ZNF568: variants seen among roughly 807,000 people sequenced by gnomAD.
ZNF568 encodes the protein p53 inhibitor of SCO2 activation.
Under a neutral mutation model 18.1 loss-of-function variants are expected in ZNF568, and 11 were observed. That is an observed-to-expected ratio of 0.61 (90% CI 0.38 to 1.00). The LOEUF (loss-of-function observed/expected upper bound fraction) is 1.00. ZNF568 is among the 50% of genes least tolerant of loss of function. The probability of loss-of-function intolerance (pLI) is 0.01; values close to 1 mark genes in which losing one functional copy is unlikely to be tolerated. For missense variants in ZNF568, 639 were observed against 768.2 expected, an observed-to-expected ratio of 0.83 and a Z score of 1.99; for synonymous variants, 213 against 246.6, an observed-to-expected ratio of 0.86 and a Z score of 1.28.
intron 3 of ZNF568, chr19:36,991,626 T>C: frequency 1.4e-6 from 1 of 735,204 alleles, no homozygotes; most frequent in Non-Finnish European, 2.1e-6. Flanking sequence ...TGATTTATTG[T>C]GGTGCTCTGA....
chr19:36,991,089 T>C, intron 2 of ZNF568: 1 of 1,391,344 alleles, frequency 7.2e-7, no homozygotes, highest in Non-Finnish European at 9.6e-7. Flanking sequence ...AACTTCCCTA[T>C]TGAATTGCTT....
intron 6 of ZNF568, among the ~76,000 whole-genome samples, chr19:36,967,047 C>T (rs1361125656): frequency 6.6e-6 from 1 of 152,242 alleles, no homozygotes; most frequent in Non-Finnish European, 1.5e-5. Flanking sequence ...GCCACTCCAA[C>T]TCTCTTTGAG....
At chr19:36,941,563 T>G (rs2073879239) in intron 6 of ZNF568, among the ~76,000 whole-genome samples, 1 of 152,200 alleles carries the variant, frequency 6.6e-6, no homozygotes, top group Non-Finnish European at 1.5e-5. Flanking sequence ...TGGATCGTAT[T>G]TAGTTTGGAC....
At chr19:36,971,351 G>A (rs905860411) in intron 6 of ZNF568, among the ~76,000 whole-genome samples, 1 of 151,098 alleles carries the variant, frequency 6.6e-6, no homozygotes. Flanking sequence ...GTACTAAACT[G>A]TGGATTTTTA....
At chr19:36,949,028 T>C (rs2074013592) in intron 6 of ZNF568, among the ~76,000 whole-genome samples, 1 of 152,164 alleles carries the variant, frequency 6.6e-6, no homozygotes, top group African/African-American at 2.4e-5. Flanking sequence ...TTAAAATCTC[T>C]TGTTCATCTT....
rs149826480 is a variant in ZNF568, at chr19:36,987,089, T to C, written c.10-4087T>C. On this transcript the variant is annotated intron_variant, in intron 2 of 4. Coordinates refer to the ZNF568 transcript ENST00000433993. ...TTCATGACCTTCTCATGAGGATTAA[T>C]ATATGTAAGGCACCAGGAACTTAAA... 7.2e-5 allele frequency among the ~76,000 whole-genome samples: 11 copies of C among 152,310 alleles called. No homozygotes were observed. The East Asian group carries it at 1.7e-3, about 24-fold the overall frequency.
chr19:36,997,198 G>T, exon 5 of ZNF568: 1 of 1,607,452 alleles, frequency 6.2e-7, no homozygotes, highest in Non-Finnish European at 8.5e-7. Flanking sequence ...AATTCATACT[G>T]GTGAGAAACC....
At chr19:36,940,407 A>G (rs2073861269) in intron 6 of ZNF568, among the ~76,000 whole-genome samples, 1 of 152,202 alleles carries the variant, frequency 6.6e-6, no homozygotes, top group African/African-American at 2.4e-5. Flanking sequence ...GAGTGGTTGG[A>G]ATCTGAAAAC....
chr19:36,978,720 T>A (rs920881316), intron 7 of ZNF568, among the ~76,000 whole-genome samples: 1 of 152,218 alleles, frequency 6.6e-6, no homozygotes, highest in South Asian at 2.1e-4. Context: ...TGATCCTTCT[T>A]TTCAGCCTCG....
rs374365125 is a variant in ZNF568 at position 36,950,574 on chromosome 19, A to G, written c.1421A>G (p.Tyr474Cys). 9.3e-6 allele frequency: 15 copies of G among 1,613,708 alleles called. No homozygotes were observed. Among genetic ancestry groups the G allele is most frequent in the Admixed American group, 8.3e-5 (5 of 59,994 alleles). ...HQKIHTGEKP[Y>C]ECSECGKAFI... The stretch of plus-strand genomic sequence containing the variant: ...AAAATTCACACTGGAGAGAAACCTT[A>G]TGAATGCAGTGAATGTGGGAAAGCT... Residue 474 changes from tyrosine to cysteine, a missense_variant, in exon 7 of 7, where the codon TAT (tyrosine) becomes TGT (cysteine). Transcript: ENST00000333987.
At chr19:36,955,562 AG>A (rs1353075113), downstream of ZNF568, among the ~76,000 whole-genome samples, 1 of 152,180 alleles carries the variant, frequency 6.6e-6, no homozygotes, top group African/African-American at 2.4e-5. Context: ...GATAGATATA[AG>A]TGACTGAGAC....
intron 4 of ZNF568, among the ~76,000 whole-genome samples, chr19:36,929,481 C>T (rs965876014): frequency 6.6e-6 from 1 of 151,804 alleles, no homozygotes; most frequent in Non-Finnish European, 1.5e-5. Context: ...GTCAGAAGAT[C>T]GAGAGCATTC....
At chr19:36,955,056 T>G (rs2074097327), downstream of ZNF568, among the ~76,000 whole-genome samples, 1 of 152,084 alleles carries the variant, frequency 6.6e-6, no homozygotes, top group African/African-American at 2.4e-5. Flanking sequence ...ATTTTTGTAT[T>G]TTCATAGAGA....
chr19:36,927,280 T>G (rs946947089), intron 4 of ZNF568, among the ~76,000 whole-genome samples: 1 of 152,222 alleles, frequency 6.6e-6, no homozygotes, highest in Non-Finnish European at 1.5e-5. Flanking sequence ...ATATCTTTCC[T>G]AATTAATATT....
At chr19:36,935,175 T>G (rs1198990362) in intron 4 of ZNF568, among the ~76,000 whole-genome samples, 1 of 150,646 alleles carries the variant, frequency 6.6e-6, no homozygotes, top group African/African-American at 2.5e-5. Context: ...TTGAGTGGTG[T>G]GTTCTATAGG....
intron 4 of ZNF568, among the ~76,000 whole-genome samples, chr19:36,992,741 A>G (rs566661688): frequency 3.3e-5 from 5 of 152,196 alleles, no homozygotes; most frequent in Non-Finnish European, 7.3e-5. Flanking sequence ...AACCATCACA[A>G]CAGTCTAATT....
downstream of ZNF568, chr19:36,997,726 G>C (rs2074492485): frequency 1.3e-6 from 1 of 746,470 alleles, no homozygotes; most frequent in East Asian, 2.7e-5. Flanking sequence ...ATGAAGAAAT[G>C]AGGGATGGCT....
chr19:36,974,458 A>G (rs2034052989), exon 7 of ZNF568: 1 of 1,535,968 alleles, frequency 6.5e-7, no homozygotes, highest in African/African-American at 1.4e-5. Flanking sequence ...GTCTGAAGTG[A>G]TGGCGGAGGT....
chr19:36,984,179 A>G (rs2551060), downstream of ZNF568, among the ~76,000 whole-genome samples: 81,054 of 151,910 alleles, frequency 0.53, 22,150 homozygotes, highest in African/African-American at 0.62. Context: ...GATTACAGGC[A>G]TGAGCCACCG....
Sources: gnomAD v4.1 joint callset for allele counts (sites outside exome capture counted in the v4.1 genomes callset) on GRCh38, gnomAD v4.1.1 for gene constraint, MANE v1.5 for transcripts, NCBI Gene and HGNC (gene_info 2026-07-23, HGNC 2026-07-21) for gene names.